B3GALT1: variants seen among roughly 807,000 people sequenced by gnomAD.
B3GALT1 encodes beta-1,3-galactosyltransferase 1.
In B3GALT1, 10 loss-of-function variants were observed where a neutral mutation model predicts 23.2. That is an observed-to-expected ratio of 0.43 (90% CI 0.27 to 0.73). The LOEUF (loss-of-function observed/expected upper bound fraction) is 0.73. B3GALT1 is among the 30% of genes least tolerant of loss of function. The pLI is 0.21. For synonymous variants in B3GALT1, 156 were observed against 141.5 expected, an observed-to-expected ratio of 1.10 and a Z score of -0.73; for missense variants, 299 against 405.4, an observed-to-expected ratio of 0.74 and a Z score of 2.25.
chr2:167,309,082 A>G (rs1255052378), intron 1 of B3GALT1, among the ~76,000 whole-genome samples: 1 of 152,068 alleles, frequency 6.6e-6, no homozygotes, highest in Non-Finnish European at 1.5e-5. Flanking sequence ...GTTTGTTAAA[A>G]AATTAACCCT....
intron 3 of B3GALT1, among the ~76,000 whole-genome samples, chr2:167,805,895 T>C (rs1688742719): frequency 1.3e-5 from 2 of 152,182 alleles, no homozygotes; most frequent in African/African-American, 2.4e-5. Flanking sequence ...AGGGATGGCA[T>C]TGAATCTATA....
At chr2:167,868,556 C>T (rs1216595619) in intron 4 of B3GALT1, among the ~76,000 whole-genome samples, 5 of 151,000 alleles carry the variant, frequency 3.3e-5, no homozygotes, top group East Asian at 1.9e-4. Context: ...ACTAATGTTC[C>T]GCTTACTTCA....
intron 3 of B3GALT1, among the ~76,000 whole-genome samples, chr2:167,771,943 G>A (rs539513663): frequency 2.2e-4 from 33 of 152,318 alleles, no homozygotes; most frequent in Admixed American, 3.9e-4. Context: ...CAGACTGGGG[G>A]AGAATGGTTC....
intron 4 of B3GALT1, among the ~76,000 whole-genome samples, chr2:167,865,425 CAA>C (rs1248802819): frequency 6.6e-6 from 1 of 151,782 alleles, no homozygotes; most frequent in African/African-American, 2.4e-5. Flanking sequence ...AAAACAAAAA[CAA>C]ATTCTCACTC....
intron 3 of B3GALT1, among the ~76,000 whole-genome samples, chr2:167,734,240 C>T (rs1420905309): frequency 2.6e-5 from 4 of 152,098 alleles, no homozygotes; most frequent in Admixed American, 6.6e-5. Flanking sequence ...CAGAGTGAAT[C>T]AGTGAGGAAG....
At chr2:167,790,535 T>G (rs138705400) in intron 3 of B3GALT1, among the ~76,000 whole-genome samples, 2 of 152,344 alleles carry the variant, frequency 1.3e-5, no homozygotes, top group South Asian at 4.1e-4. Flanking sequence ...ACGCTTTCCA[T>G]GCACAAACTA....
At chr2:167,774,567 G>A (rs1343818887) in intron 3 of B3GALT1, among the ~76,000 whole-genome samples, 4 of 143,600 alleles carry the variant, frequency 2.8e-5, no homozygotes, top group African/African-American at 7.7e-5. Context: ...GCGTGATCTC[G>A]GCTCACTGCA....
At chr2:167,754,707 A>G (rs1338451667) in intron 3 of B3GALT1, among the ~76,000 whole-genome samples, 1 of 152,168 alleles carries the variant, frequency 6.6e-6, no homozygotes, top group Non-Finnish European at 1.5e-5. Flanking sequence ...AGAACCCAGC[A>G]CTAATCCCCA....
At chr2:167,326,538 G>GTTTTTTTTTTTTTTTTTTTTTTTTTT in intron 1 of B3GALT1, among the ~76,000 whole-genome samples, 1 of 151,614 alleles carries the variant, frequency 6.6e-6, no homozygotes, top group East Asian at 2.0e-4. Flanking sequence ...TTTTTCTATG[G>GTTTTTTTTTTTTTTTTTTTTTTTTTT]TTTTGTCTGG....
chr2:167,543,965 T>C (rs1335034825), intron 2 of B3GALT1, among the ~76,000 whole-genome samples: 1 of 152,252 alleles, frequency 6.6e-6, no homozygotes, highest in Non-Finnish European at 1.5e-5. Context: ...CTTGGCTCGA[T>C]TCAGCTCTCC....
intron 3 of B3GALT1, among the ~76,000 whole-genome samples, chr2:167,672,748 T>C (rs1204389623): frequency 6.6e-6 from 1 of 152,192 alleles, no homozygotes; most frequent in Admixed American, 6.5e-5. Context: ...GTAAGTGCTG[T>C]ATAAGATTTG....
chr2:167,449,098 A>G (rs768985263), intron 1 of B3GALT1, among the ~76,000 whole-genome samples: 25 of 152,048 alleles, frequency 1.6e-4, no homozygotes, highest in Non-Finnish European at 3.4e-4. Flanking sequence ...TTTGTTCCAT[A>G]TGAATTTTAG....
intron 2 of B3GALT1, among the ~76,000 whole-genome samples, chr2:167,522,626 C>G (rs1431360456): frequency 3.3e-5 from 5 of 152,060 alleles, no homozygotes; most frequent in Non-Finnish European, 7.4e-5. Context: ...AATTAAAATA[C>G]ACTGCTAATT....
intron 2 of B3GALT1, among the ~76,000 whole-genome samples, chr2:167,641,496 G>A (rs920595414): frequency 1.3e-5 from 2 of 152,206 alleles, no homozygotes; most frequent in Non-Finnish European, 2.9e-5. Flanking sequence ...ATTGTGCACA[G>A]TAAATGGGAT....
At chr2:167,823,944 A>G (rs1018278137) in intron 4 of B3GALT1, among the ~76,000 whole-genome samples, 4 of 152,234 alleles carry the variant, frequency 2.6e-5, no homozygotes, top group East Asian at 1.9e-4. Context: ...ATTCTTAGCT[A>G]TTATTATTTG....
At chr2:167,639,927 A>G (rs1162754843) in intron 2 of B3GALT1, among the ~76,000 whole-genome samples, 2 of 152,162 alleles carry the variant, frequency 1.3e-5, no homozygotes, top group African/African-American at 2.4e-5. Context: ...CACTTGTGAA[A>G]GTGGATCACA....
intron 1 of B3GALT1, among the ~76,000 whole-genome samples, chr2:167,412,081 A>T (rs1043530001): frequency 1.3e-5 from 2 of 152,144 alleles, no homozygotes; most frequent in African/African-American, 4.8e-5. Flanking sequence ...GAAAAAAGGA[A>T]TATAAATGTA....
At chr2:167,425,567 G>C (rs1379180499) in intron 1 of B3GALT1, among the ~76,000 whole-genome samples, 1 of 152,198 alleles carries the variant, frequency 6.6e-6, no homozygotes, top group African/African-American at 2.4e-5. Context: ...TTTGCAAGCT[G>C]TGCAGACCAC....
At chr2:167,549,074 T>C (rs1435047046) in intron 2 of B3GALT1, among the ~76,000 whole-genome samples, 1 of 152,214 alleles carries the variant, frequency 6.6e-6, no homozygotes, top group Non-Finnish European at 1.5e-5. Context: ...GTCCAATCAC[T>C]TTTTAGAATC....
Sources: allele counts gnomAD v4.1 joint callset (sites outside exome capture counted in the v4.1 genomes callset), GRCh38; gene constraint gnomAD v4.1.1; transcripts MANE v1.5; gene names NCBI Gene and HGNC (gene_info 2026-07-23, HGNC 2026-07-21).